The following GOLGA5 variants were observed in gnomAD, a reference collection of about 807,000 sequenced individuals.
The protein encoded by GOLGA5 is golgin A5.
In GOLGA5, 50 loss-of-function variants were observed where a neutral mutation model predicts 93.5. The ratio of observed to expected loss-of-function variants is 0.53; its 90% CI spans 0.43 to 0.68. GOLGA5 has a LOEUF of 0.68. Ranked by LOEUF, GOLGA5 falls within the 30% of genes least tolerant of loss-of-function variation. The pLI is 0.00. For missense variants in GOLGA5, 760 were observed against 856.4 expected (o/e 0.89, Z 1.40); for synonymous variants, 312 against 304.5 (o/e 1.02, Z -0.26).
chr14:92,821,707 G>A (rs2140327843), intron 8 of GOLGA5, among the ~76,000 whole-genome samples: 1 of 152,222 alleles, frequency 6.6e-6, no homozygotes, highest in East Asian at 1.9e-4. Context: ...TCAGAGAAAT[G>A]TTTTTTATTA....
At chr14:92,805,788 A>C (rs570710630) in intron 2 of GOLGA5, among the ~76,000 whole-genome samples, 1 of 152,184 alleles carries the variant, frequency 6.6e-6, no homozygotes, top group Non-Finnish European at 1.5e-5. Flanking sequence ...CTTATAAAGT[A>C]TCAAGTCTTT....
At chr14:92,822,541 GTAT>G (rs1885336877) in intron 8 of GOLGA5, among the ~76,000 whole-genome samples, 1 of 152,188 alleles carries the variant, frequency 6.6e-6, no homozygotes, top group African/African-American at 2.4e-5. Flanking sequence ...GAGTTTAGAG[GTAT>G]TAGCCTTTTT....
At chr14:92,831,069 A>T (rs1345291238) in intron 9 of GOLGA5, among the ~76,000 whole-genome samples, 1 of 152,144 alleles carries the variant, frequency 6.6e-6, no homozygotes, top group African/African-American at 2.4e-5. Context: ...ACTAAGGTAT[A>T]CTACCACACA....
At chr14:92,803,363 G>T (rs1884915201) in intron 2 of GOLGA5, among the ~76,000 whole-genome samples, 1 of 152,126 alleles carries the variant, frequency 6.6e-6, no homozygotes, top group South Asian at 2.1e-4. Flanking sequence ...AGCGAAATCG[G>T]CCTGCGATAT....
chr14:92,832,437 A>G (rs927802322), intron 9 of GOLGA5, among the ~76,000 whole-genome samples: 9 of 152,076 alleles, frequency 5.9e-5, no homozygotes, highest in Non-Finnish European at 1.2e-4. Flanking sequence ...GTAGAGGGAG[A>G]TGGAGACAGA....
At chr14:92,819,479 A>C (rs1373503573) in intron 7 of GOLGA5, among the ~76,000 whole-genome samples, 2 of 151,898 alleles carry the variant, frequency 1.3e-5, no homozygotes, top group African/African-American at 2.4e-5. Flanking sequence ...AAAAAAAAAA[A>C]AACTTAAGCC....
intron 12 of GOLGA5, among the ~76,000 whole-genome samples, chr14:92,838,168 G>A (rs916498229): frequency 2.0e-5 from 3 of 152,172 alleles, no homozygotes; most frequent in African/African-American, 7.2e-5. Flanking sequence ...CTTACCTCTA[G>A]TAAAATGGTT....
intron 9 of GOLGA5, among the ~76,000 whole-genome samples, chr14:92,832,089 C>A (rs1480444351): frequency 6.6e-6 from 1 of 152,072 alleles, no homozygotes; most frequent in Non-Finnish European, 1.5e-5. Context: ...CATAAAACAG[C>A]GTTATCGGAG....
intron 2 of GOLGA5, among the ~76,000 whole-genome samples, chr14:92,801,103 C>A (rs773779087): frequency 6.6e-6 from 1 of 152,278 alleles, no homozygotes; most frequent in South Asian, 2.1e-4. Flanking sequence ...CCACAAATTG[C>A]CAAATGTCCC....
chr14:92,814,963 G>A (rs12892738), intron 6 of GOLGA5, among the ~76,000 whole-genome samples: 7,150 of 152,018 alleles, frequency 0.047, 228 homozygotes, highest in Admixed American at 0.071. Flanking sequence ...AAAAAATTTA[G>A]CTTGCAGGCT....
At chr14:92,839,306 T>C in intron 12 of GOLGA5, 60 bp from the exon 13 acceptor site, 2 of 1,018,206 alleles carry the variant, frequency 2.0e-6, no homozygotes, top group Non-Finnish European at 3.1e-6. Context: ...CAGTGTACAG[T>C]GGGCCTTTGG....
chr14:92,827,867 T>G (rs1021450904), intron 9 of GOLGA5, among the ~76,000 whole-genome samples: 3 of 152,198 alleles, frequency 2.0e-5, no homozygotes, highest in Admixed American at 6.5e-5. Flanking sequence ...GCCACAACAT[T>G]CCCTTAAGCC....
chr14:92,799,772 A>G (rs193295064), intron 2 of GOLGA5, among the ~76,000 whole-genome samples: 6 of 151,354 alleles, frequency 4.0e-5, no homozygotes, highest in Admixed American at 6.6e-5. Flanking sequence ...CCCTTGGCTA[A>G]TTTTTGTATT....
At chr14:92,797,284 A>G in intron 1 of GOLGA5, 124 bp from the exon 2 acceptor site, 1 of 564,370 alleles carries the variant, frequency 1.8e-6, no homozygotes, top group South Asian at 2.5e-5. Context: ...TCTCAAGGTT[A>G]CCTAGCTAGT....
rs775306878 is a variant in GOLGA5 at position 92,816,395 on chromosome 14, A to T, written c.1465A>T (p.Ile489Leu). The change falls in exon 7 of 13, where the codon ATA becomes TTA. Residue 489 changes from isoleucine (I) to leucine (L), a missense_variant. Coordinates refer to ENST00000163416, the MANE Select transcript of GOLGA5 (RefSeq NM_005113.4). ...REEIQKLMGQ[I>L]HQLRSELQDM... is the part of the protein sequence containing the mutation. ...GGAAATACAGAAGCTGATGGGCCAG[A>T]TACATCAGCTCAGATCCGAATTACA... 2 of 1,613,854 alleles carry T rather than the reference A, an allele frequency of 1.2e-6. No individual in the cohort carries two copies. The highest frequency in any genetic ancestry group is 1.7e-5 in the Admixed American group (1 of 59,998).
intron 3 of GOLGA5, among the ~76,000 whole-genome samples, chr14:92,808,113 T>A (rs1247035823): frequency 3.3e-5 from 5 of 152,060 alleles, no homozygotes; most frequent in Non-Finnish European, 7.4e-5. Context: ...GCGTGCCTGT[T>A]ATTCCAGCTA....
chr14:92,820,823 C>T (rs1370835476), intron 8 of GOLGA5, among the ~76,000 whole-genome samples: 12 of 152,190 alleles, frequency 7.9e-5, no homozygotes, highest in Non-Finnish European at 1.6e-4. Context: ...CCATACAACA[C>T]ATGTTTTTGT....
At chr14:92,808,627 G>A (rs1255872216) in intron 3 of GOLGA5, among the ~76,000 whole-genome samples, 3 of 151,398 alleles carry the variant, frequency 2.0e-5, no homozygotes, top group East Asian at 3.9e-4. Context: ...CACTCCAGCC[G>A]GGGCAACAGA....
rs748272820 is a variant in GOLGA5, at chr14:92,797,575, C to T, written c.138C>T (p.His46=). 1.2e-5 allele frequency: 19 copies of T among 1,613,346 alleles called. No individual in the cohort carries two copies. The highest frequency in any genetic ancestry group is 4.4e-5 in the South Asian group (4 of 91,074). Residue 46 remains histidine (H), a synonymous_variant, in exon 2 of 13, where the codon CAC becomes CAT. Transcript: ENST00000163416. The part of the protein sequence containing the change: ...YSKNTDYTEL[H]QQNTDLIYQT... ...AAAATACTGACTATACTGAACTTCA[C>T]CAGCAAAATACAGATTTGATATATC... is the stretch of plus-strand genomic sequence containing the variant.
Sources: allele counts gnomAD v4.1 joint callset (sites outside exome capture counted in the v4.1 genomes callset), GRCh38; gene constraint gnomAD v4.1.1; transcripts MANE v1.5; gene names NCBI Gene and HGNC (gene_info 2026-07-23, HGNC 2026-07-21).